Variants in EIPR1 observed in about 807,000 individuals in gnomAD.
EIPR1 encodes the protein EARP complex and GARP complex interacting protein 1.
In EIPR1, 25 loss-of-function variants were observed where a neutral mutation model predicts 48.1. The observed-to-expected ratio is 0.52, with a 90% CI of 0.38 to 0.73. The LOEUF is 0.73. Among genes scored for constraint, EIPR1 ranks in the 30% least tolerant of loss-of-function variants. The pLI is 0.00. For missense variants in EIPR1, 415 were observed against 506.2 expected, an observed-to-expected ratio of 0.82 and a Z score of 1.73; for synonymous variants, 204 against 201.9, an observed-to-expected ratio of 1.01 and a Z score of -0.09.
At position 3,193,931 on chromosome 2, in the gene EIPR1, T is replaced by C. The variant is rs990688466; in HGVS notation, c.821+68A>G. ...CTAAGCTGGTTTGTGTCTTTCCCAA[T>C]GGTAAAGTAATTAGCAAAATCAATT... is the stretch of plus-strand genomic sequence containing the variant. On this transcript the variant is annotated intron_variant, in intron 7 of 8. Transcript: ENST00000382125. 40 of 1,558,686 alleles carry C rather than the reference T, an allele frequency of 2.6e-5. No individual in the cohort carries two copies. In the Admixed American group the frequency reaches 6.4e-4, roughly 25 times the overall value.
intron 4 of EIPR1, among the ~76,000 whole-genome samples, chr2:3,251,404 T>A (rs980462433): frequency 6.6e-6 from 1 of 152,266 alleles, no homozygotes; most frequent in South Asian, 2.1e-4. Flanking sequence ...CTGCATCTAA[T>A]AAACAAATAA....
At chr2:3,285,290 G>A (rs1361384818) in intron 3 of EIPR1, among the ~76,000 whole-genome samples, 1 of 151,970 alleles carries the variant, frequency 6.6e-6, no homozygotes, top group Non-Finnish European at 1.5e-5. Context: ...GTCAGAATGG[G>A]GGCCAGGAAA....
At chr2:3,287,540 TCGTTCACCACAATCTAGAAAGCG>T (rs71410301) in intron 3 of EIPR1, among the ~76,000 whole-genome samples, 1 of 151,836 alleles carries the variant, frequency 6.6e-6, no homozygotes, top group East Asian at 1.9e-4. Flanking sequence ...TCCAGAAAGC[TCGTTCACCACAATCTAGAAAGCG>T]CGTTCACCAC....
intron 1 of EIPR1, among the ~76,000 whole-genome samples, chr2:3,358,593 T>G (rs181288164): frequency 6.6e-6 from 1 of 152,322 alleles, no homozygotes; most frequent in African/African-American, 2.4e-5. Context: ...AGCTTTAGAC[T>G]CATAAAGTTA....
chr2:3,219,250 AGT>A (rs1186044220), intron 4 of EIPR1, among the ~76,000 whole-genome samples: 1 of 150,264 alleles, frequency 6.7e-6, no homozygotes, highest in East Asian at 2.0e-4. Context: ...GAGCATTCAC[AGT>A]GAGTCAGGTG....
intron 1 of EIPR1, among the ~76,000 whole-genome samples, chr2:3,357,160 G>C (rs1572482340): frequency 6.6e-6 from 1 of 152,204 alleles, no homozygotes; most frequent in East Asian, 1.9e-4. Flanking sequence ...GACCTGAGAA[G>C]ATTCTGCATT....
At chr2:3,255,690 C>T (rs1344944626) in intron 4 of EIPR1, among the ~76,000 whole-genome samples, 1 of 152,194 alleles carries the variant, frequency 6.6e-6, no homozygotes, top group Non-Finnish European at 1.5e-5. Context: ...CTGCACATCC[C>T]AGCAGGACTG....
intron 3 of EIPR1, among the ~76,000 whole-genome samples, chr2:3,289,628 C>A (rs1668307106): frequency 6.6e-6 from 1 of 152,142 alleles, no homozygotes; most frequent in African/African-American, 2.4e-5. Context: ...TAAAATGAGC[C>A]CCAGGGCTTT....
chr2:3,208,848 T>A (rs2103126257), intron 5 of EIPR1: 2 of 1,549,578 alleles, frequency 1.3e-6, no homozygotes, highest in South Asian at 2.4e-5. Flanking sequence ...TCTGGGGCCA[T>A]CCCTGTTCCC....
chr2:3,249,484 T>A (rs1666941297), intron 4 of EIPR1, among the ~76,000 whole-genome samples: 1 of 152,158 alleles, frequency 6.6e-6, no homozygotes, highest in Non-Finnish European at 1.5e-5. Flanking sequence ...TGACTTAAAG[T>A]TGGTATTTAT....
chr2:3,265,940 G>C (rs564238067), intron 3 of EIPR1, among the ~76,000 whole-genome samples: 1 of 152,180 alleles, frequency 6.6e-6, no homozygotes, highest in Non-Finnish European at 1.5e-5. Context: ...AAAATTCCAA[G>C]TTGCATCTTC....
At chr2:3,343,911 C>T (rs1228971631) in intron 2 of EIPR1, among the ~76,000 whole-genome samples, 1 of 151,898 alleles carries the variant, frequency 6.6e-6, no homozygotes, top group African/African-American at 2.4e-5. Context: ...ATTGAAAAAA[C>T]AAAAAAAGGG....
intron 2 of EIPR1, among the ~76,000 whole-genome samples, chr2:3,350,874 C>T (rs1288328782): frequency 2.4e-5 from 3 of 126,506 alleles, no homozygotes; most frequent in Admixed American, 9.2e-5. Flanking sequence ...CAGAACTCTT[C>T]AATTTAGAAG....
intron 3 of EIPR1, among the ~76,000 whole-genome samples, chr2:3,327,571 C>T (rs993102367): frequency 2.6e-5 from 4 of 152,138 alleles, no homozygotes; most frequent in South Asian, 2.1e-4. Context: ...TATAGTGAAG[C>T]GAATTAACAT....
intron 4 of EIPR1, among the ~76,000 whole-genome samples, chr2:3,237,466 C>G (rs939273382): frequency 6.6e-6 from 1 of 152,182 alleles, no homozygotes; most frequent in African/African-American, 2.4e-5. Context: ...CTGCATTGAG[C>G]TCTTACTGCA....
chr2:3,190,206 G>A (rs1664556732), intron 8 of EIPR1, among the ~76,000 whole-genome samples: 1 of 152,236 alleles, frequency 6.6e-6, no homozygotes, highest in Admixed American at 6.5e-5. Context: ...AGCACAGCGT[G>A]CATGGGGAGG....
intron 3 of EIPR1, among the ~76,000 whole-genome samples, chr2:3,279,361 C>G (rs1572390043): frequency 6.6e-6 from 1 of 152,102 alleles, no homozygotes; most frequent in African/African-American, 2.4e-5. Flanking sequence ...TCAGTAAATA[C>G]TGGGAAGAGG....
At chr2:3,193,587 C>A (rs532159502) in intron 7 of EIPR1, among the ~76,000 whole-genome samples, 1 of 152,352 alleles carries the variant, frequency 6.6e-6, no homozygotes, top group East Asian at 1.9e-4. Context: ...GATCTTCCCA[C>A]AGCCACATAG....
chr2:3,353,092 TTG>T lies in EIPR1; in HGVS notation c.126+1456_126+1457del, dbSNP rs200451081. The T allele has an allele frequency of 3.3e-3, 1,285 of 385,062 alleles. 27 individuals carry two copies. Among genetic ancestry groups the T allele is most frequent in the African/African-American group, 0.026 (1,211 of 47,184 alleles). The allele number at this position is 385,062 out of a possible 1,614,324, so 23.9% of individuals were successfully genotyped here. A position where few individuals can be genotyped will look rare whatever the true frequency, so the allele number is the denominator to read the frequency against. On this transcript the variant is annotated intron_variant, in intron 2 of 8. Transcript: ENST00000382125. Reference sequence around the variant, plus strand: ...ATATAACTTTCATAACTAATAATCATTGTGTTTTTATTAGTTATGTTGTTAAG... The same window carrying T: ...ATATAACTTTCATAACTAATAATCATTGTTTTTATTAGTTATGTTGTTAAG...
Sources: allele counts gnomAD v4.1 joint callset (sites outside exome capture counted in the v4.1 genomes callset), GRCh38; gene constraint gnomAD v4.1.1; transcripts MANE v1.5; gene names NCBI Gene and HGNC (gene_info 2026-07-23, HGNC 2026-07-21).